Variants in NDUFAF2 observed in about 807,000 individuals in gnomAD.
The protein encoded by NDUFAF2 is NADH dehydrogenase [ubiquinone] 1 alpha subcomplex assembly factor 2.
A neutral mutation model predicts 22.8 loss-of-function variants in NDUFAF2; 13 were observed. The ratio of observed to expected loss-of-function variants is 0.57; its 90% CI spans 0.37 to 0.91. The LOEUF is 0.91. NDUFAF2 is among the 40% of genes least tolerant of loss of function. The pLI is 0.01. For missense variants in NDUFAF2, 162 were observed against 195.2 expected, an observed-to-expected ratio of 0.83 and a Z score of 1.01; for synonymous variants, 53 against 64.2, an observed-to-expected ratio of 0.83 and a Z score of 0.84.
intron 1 of NDUFAF2, among the ~76,000 whole-genome samples, chr5:61,030,698 A>G (rs1042459875): frequency 6.6e-6 from 1 of 152,124 alleles, no homozygotes; most frequent in Non-Finnish European, 1.5e-5. Flanking sequence ...GATGTTATGT[A>G]ATGTCTGGAT....
At chr5:60,993,271 A>G (rs751024657) in intron 1 of NDUFAF2, among the ~76,000 whole-genome samples, 6 of 151,770 alleles carry the variant, frequency 4.0e-5, no homozygotes, top group Admixed American at 2.0e-4. Context: ...CAGCTTAGAT[A>G]CTCCAGGAAC....
chr5:60,986,702 G>A (rs766670470), intron 1 of NDUFAF2, among the ~76,000 whole-genome samples: 4 of 151,934 alleles, frequency 2.6e-5, no homozygotes, highest in Non-Finnish European at 4.4e-5. Context: ...AGGCTGAGGT[G>A]GGCAGATCAC....
chr5:60,998,118 C>G (rs1373368300), intron 1 of NDUFAF2, among the ~76,000 whole-genome samples: 1 of 152,076 alleles, frequency 6.6e-6, no homozygotes, highest in Non-Finnish European at 1.5e-5. Flanking sequence ...TGTCTAAAAG[C>G]TAACATGTTC....
chr5:61,112,722 A>G lies in NDUFAF2; in HGVS notation c.258+13690A>G, dbSNP rs145267429. Among the ~76,000 whole-genome samples the G allele has an allele frequency of 1.4e-3, 220 of 152,172 alleles. 1 individual carries two copies. Among genetic ancestry groups the G allele is most frequent in the African/African-American group, 5.1e-3 (211 of 41,532 alleles). ...AATTCATCAGCTAATTTGTCTTTTA[A>G]TAGAGAATTCATGCTATTTACATTT... On this transcript the variant is annotated intron_variant, in intron 3 of 3. Transcript: ENST00000296597.
intron 3 of NDUFAF2, among the ~76,000 whole-genome samples, chr5:61,143,960 TTGTGTGTGTGTGTG>T (rs58281805): frequency 0.014 from 1,408 of 98,208 alleles, 13 homozygotes; most frequent in Middle Eastern, 0.025. Context: ...TGGCATATTT[TTGTGTGTGTGTGTG>T]TGTGTGTGTG....
At chr5:61,037,557 T>C (rs1751815189) in intron 1 of NDUFAF2, among the ~76,000 whole-genome samples, 1 of 152,186 alleles carries the variant, frequency 6.6e-6, no homozygotes, top group South Asian at 2.1e-4. Flanking sequence ...ATGAAATAAA[T>C]GTATAAAATG....
chr5:60,957,833 A>G (rs1750637270), intron 1 of NDUFAF2, among the ~76,000 whole-genome samples: 1 of 152,074 alleles, frequency 6.6e-6, no homozygotes, highest in African/African-American at 2.4e-5. Flanking sequence ...TGGGACACTG[A>G]CCATGTGTTA....
intron 1 of NDUFAF2, among the ~76,000 whole-genome samples, chr5:60,981,778 A>G (rs148983657): frequency 2.6e-5 from 4 of 152,334 alleles, no homozygotes; most frequent in African/African-American, 9.6e-5. Context: ...TGAACACAAT[A>G]GAGAATCCAG....
intron 1 of NDUFAF2, among the ~76,000 whole-genome samples, chr5:61,022,661 T>C (rs1442087485): frequency 6.6e-6 from 1 of 152,244 alleles, no homozygotes; most frequent in Non-Finnish European, 1.5e-5. Context: ...TTTGTTCGTT[T>C]TGAGACGGAG....
intron 2 of NDUFAF2, among the ~76,000 whole-genome samples, chr5:61,095,894 C>T (rs1443802246): frequency 3.3e-5 from 5 of 152,094 alleles, no homozygotes; most frequent in Non-Finnish European, 7.3e-5. Flanking sequence ...AGTACCAATG[C>T]GAGTACCTGG....
At chr5:61,080,626 A>G (rs1752429832) in intron 2 of NDUFAF2, among the ~76,000 whole-genome samples, 1 of 152,086 alleles carries the variant, frequency 6.6e-6, no homozygotes. Context: ...TCATCTTTTC[A>G]TGAACTTATT....
chr5:60,984,702 T>C (rs1443496735), intron 1 of NDUFAF2, among the ~76,000 whole-genome samples: 1 of 152,140 alleles, frequency 6.6e-6, no homozygotes, highest in East Asian at 1.9e-4. Context: ...ACGTGTATTG[T>C]TTTTTGTATG....
chr5:61,108,776 G>A (rs1331959528), intron 3 of NDUFAF2, among the ~76,000 whole-genome samples: 2 of 152,094 alleles, frequency 1.3e-5, no homozygotes, highest in Non-Finnish European at 2.9e-5. Context: ...CTGTAGATGT[G>A]TGGATTTGTT....
At chr5:60,946,613 T>C (rs1750460952) in intron 1 of NDUFAF2, among the ~76,000 whole-genome samples, 1 of 152,234 alleles carries the variant, frequency 6.6e-6, no homozygotes, top group Non-Finnish European at 1.5e-5. Flanking sequence ...AAGTTGTCAG[T>C]AAAATTAAAA....
chr5:61,141,290 T>C (rs1741053531), intron 3 of NDUFAF2, among the ~76,000 whole-genome samples: 1 of 152,112 alleles, frequency 6.6e-6, no homozygotes, highest in African/African-American at 2.4e-5. Context: ...TCTTCTGCAT[T>C]CTCATAACAT....
chr5:61,022,875 C>T (rs1474851242), intron 1 of NDUFAF2, among the ~76,000 whole-genome samples: 4 of 152,200 alleles, frequency 2.6e-5, no homozygotes, highest in African/African-American at 9.7e-5. Context: ...GAACTCCTCA[C>T]CTCAGGTGAT....
chr5:60,957,492 C>G (rs1160570844), intron 1 of NDUFAF2, among the ~76,000 whole-genome samples: 1 of 94,036 alleles, frequency 1.1e-5, no homozygotes, highest in Non-Finnish European at 2.1e-5. Flanking sequence ...ATTGGCTGAT[C>G]TGTTTACTTT....
At chr5:61,054,423 A>G (rs947660644) in intron 1 of NDUFAF2, among the ~76,000 whole-genome samples, 10 of 152,158 alleles carry the variant, frequency 6.6e-5, no homozygotes, top group Non-Finnish European at 1.2e-4. Context: ...AGGCCAGACC[A>G]TAGGTTTCCA....
At chr5:61,077,811 A>T (rs1368423096) in intron 2 of NDUFAF2, among the ~76,000 whole-genome samples, 1 of 152,212 alleles carries the variant, frequency 6.6e-6, no homozygotes, top group Non-Finnish European at 1.5e-5. Flanking sequence ...GTCTGTGGGC[A>T]TATATGCAGG....
Sources: allele counts gnomAD v4.1 joint callset (sites outside exome capture counted in the v4.1 genomes callset), GRCh38; gene constraint gnomAD v4.1.1; transcripts MANE v1.5; gene names NCBI Gene and HGNC (gene_info 2026-07-23, HGNC 2026-07-21).